The following FBXO28 variants were observed in gnomAD, a reference collection of about 807,000 sequenced individuals.
FBXO28 encodes the protein F-box protein 28.
FBXO28 carries 8 observed loss-of-function variants against 38.1 expected under a neutral mutation model. The ratio of observed to expected loss-of-function variants is 0.21; its 90% confidence interval spans 0.12 to 0.38. The LOEUF (loss-of-function observed/expected upper bound fraction) is 0.38, where lower values mean the gene tolerates loss of function less well. FBXO28 is among the 10% of genes least tolerant of loss of function. The pLI is 1.00. For missense variants in FBXO28, 345 were observed against 460.6 expected (o/e 0.75, Z 2.30); for synonymous variants, 168 against 173.8 (o/e 0.97, Z 0.26).
chr1:224,150,981 G>A (rs1046488728), intron 3 of FBXO28, among the ~76,000 whole-genome samples: 1 of 152,086 alleles, frequency 6.6e-6, no homozygotes, highest in Non-Finnish European at 1.5e-5. Flanking sequence ...TATCTTACAA[G>A]TTATGATAGG....
intron 3 of FBXO28, among the ~76,000 whole-genome samples, chr1:224,146,059 T>TC (rs1461785356): frequency 5.6e-5 from 7 of 124,970 alleles, no homozygotes; most frequent in Non-Finnish European, 8.3e-5. Context: ...ATAGCGAAAC[T>TC]CCTTCTCAAA....
At chr1:224,115,883 T>C in intron 1 of FBXO28, among the ~76,000 whole-genome samples, 1 of 152,170 alleles carries the variant, frequency 6.6e-6, no homozygotes, top group Non-Finnish European at 1.5e-5. Flanking sequence ...AACTGAGTTT[T>C]ATTTGTTTGT....
intron 3 of FBXO28, among the ~76,000 whole-genome samples, chr1:224,145,396 A>G (rs1329781325): frequency 5.3e-5 from 8 of 150,732 alleles, no homozygotes; most frequent in Non-Finnish European, 1.2e-4. Context: ...ACTTGTTTAT[A>G]TTAATTAGCC....
At chr1:224,125,210 G>A (rs983961497) in intron 1 of FBXO28, among the ~76,000 whole-genome samples, 2 of 151,728 alleles carry the variant, frequency 1.3e-5, no homozygotes, top group Non-Finnish European at 2.9e-5. Context: ...AAACTCCTGG[G>A]CCCAAGTGAT....
chr1:224,145,039 T>G (rs1657464873), intron 3 of FBXO28, among the ~76,000 whole-genome samples: 1 of 151,932 alleles, frequency 6.6e-6, no homozygotes, highest in African/African-American at 2.4e-5. Context: ...CCTAGCACTT[T>G]GGGAGGCTGA....
intron 3 of FBXO28, among the ~76,000 whole-genome samples, chr1:224,141,933 G>A (rs932199113): frequency 2.0e-5 from 3 of 150,008 alleles, no homozygotes; most frequent in African/African-American, 7.4e-5. Context: ...GAATCACCTA[G>A]GCTAGAGTGC....
chr1:224,161,459 T>TA lies in FBXO28; in HGVS notation c.*3714dup, dbSNP rs1451130773. On this transcript the variant is annotated 3_prime_UTR_variant, in exon 5 of 5. Coordinates refer to ENST00000366862, the MANE Select transcript of FBXO28 (RefSeq NM_015176.4). The stretch of plus-strand genomic sequence containing the variant: ...ATTTCTGATATGAAACCCAACTTGA[T>TA]ACACTGTTTGGTTCTTTGACTTGGG... 7 of 152,250 alleles carry TA rather than the reference T, an allele frequency of 4.6e-5. No individual in the cohort carries two copies. The highest frequency in any genetic ancestry group is 1.7e-4 in the African/African-American group (7 of 41,472). 9.4% of individuals were successfully genotyped at this position (152,250 alleles called of 1,614,324 possible).
In FBXO28 at chr1:224,157,622, T is replaced by C. The variant is rs761454913; in HGVS notation, c.983T>C (p.Met328Thr). Reference protein sequence around the residue: ...AELERKLREVMESAVGNSSGS... With the variant: ...AELERKLREVTESAVGNSSGS... ...CTAGAACGCAAACTACGAGAAGTAA[T>C]GGAAAGTGCTGTAGGAAATTCCTCA... The change falls in exon 5 of 5, where the codon ATG becomes ACG. Residue 328 changes from methionine (M) to threonine (T), a missense_variant. By Grantham distance (81) the Met-to-Thr change is moderately conservative. Transcript: ENST00000366862. 6.2e-7 allele frequency: 1 copy of C among 1,614,156 alleles called. No homozygotes were observed. Among genetic ancestry groups the C allele is most frequent in the Admixed American group, 1.7e-5 (1 of 60,022 alleles).
intron 3 of FBXO28, among the ~76,000 whole-genome samples, chr1:224,136,163 G>C (rs1453587484): frequency 7.7e-6 from 1 of 129,246 alleles, no homozygotes; most frequent in East Asian, 2.4e-4. Context: ...GAGTGCAGTG[G>C]GGCAATCTCA....
At chr1:224,126,465 T>G (rs765191116) in intron 1 of FBXO28, among the ~76,000 whole-genome samples, 9 of 152,244 alleles carry the variant, frequency 5.9e-5, no homozygotes, top group Non-Finnish European at 1.2e-4. Context: ...TACAAGGTTG[T>G]GTTAGAGGGT....
rs752630215 is a variant in FBXO28, at chr1:224,133,513, C to CTTTATT, written c.378-557_378-556insTTTTTA. 2.0e-3 allele frequency among the ~76,000 whole-genome samples: 302 copies of CTTTATT among 151,910 alleles called. 3 individuals are homozygous for CTTTATT. Among genetic ancestry groups the CTTTATT allele is most frequent in the South Asian group, 3.1e-3 (15 of 4,796 alleles). On this transcript the variant is annotated intron_variant, in intron 2 of 4. Coordinates refer to ENST00000366862, the MANE Select transcript of FBXO28 (RefSeq NM_015176.4). ...CCACTAGATTTGATAGCCAAAAAAC[C>CTTTATT]TTTACTTTTATTTTTATTTTTGAGA...
intron 1 of FBXO28, among the ~76,000 whole-genome samples, chr1:224,129,715 C>T (rs1007753970): frequency 8.6e-5 from 13 of 152,014 alleles, no homozygotes; most frequent in South Asian, 6.2e-4. Context: ...TGAGGCTGGG[C>T]ACGGTGGCTC....
At chr1:224,143,887 CG>C in intron 3 of FBXO28, among the ~76,000 whole-genome samples, 1 of 148,688 alleles carries the variant, frequency 6.7e-6, no homozygotes, top group East Asian at 2.0e-4. Context: ...TGGCTCACAC[CG>C]TAATCCCAGC....
chr1:224,137,282 T>C (rs941817810), intron 3 of FBXO28, among the ~76,000 whole-genome samples: 3 of 151,002 alleles, frequency 2.0e-5, no homozygotes, highest in African/African-American at 4.9e-5. Flanking sequence ...CGCAGCACTT[T>C]GGGAGGCCAA....
rs1357520879 is a variant in FBXO28 at position 224,159,421 on chromosome 1, A to G, written c.*1675A>G. The G allele has an allele frequency of 1.3e-5, 2 of 152,550 alleles. No individual in the cohort carries two copies. The highest frequency in any genetic ancestry group is 2.4e-5 in the African/African-American group (1 of 41,424). The allele number at this position is 152,550 out of a possible 1,614,324, so 9.4% of individuals were successfully genotyped here. A position where few individuals can be genotyped will look rare whatever the true frequency, so the allele number is the denominator to read the frequency against. On this transcript the variant is annotated 3_prime_UTR_variant, in exon 5 of 5. Transcript: ENST00000366862. ...TTGTCCTTAGATTTTGATCAATTCT[A>G]TGTCTGACTTTGAAATTCCATTTAC...
At chr1:224,144,834 T>C (rs1657459541) in intron 3 of FBXO28, among the ~76,000 whole-genome samples, 1 of 152,112 alleles carries the variant, frequency 6.6e-6, no homozygotes, top group Non-Finnish European at 1.5e-5. Flanking sequence ...CCTTAAAATT[T>C]TTGCTTTACA....
chr1:224,125,950 A>T (rs1189415814), intron 1 of FBXO28, among the ~76,000 whole-genome samples: 6 of 152,100 alleles, frequency 3.9e-5, no homozygotes, highest in Non-Finnish European at 7.4e-5. Context: ...TTTTAAAGTT[A>T]TTTATCTGAT....
chr1:224,136,230 T>G (rs1373513643), intron 3 of FBXO28, among the ~76,000 whole-genome samples: 1 of 151,526 alleles, frequency 6.6e-6, no homozygotes, highest in Admixed American at 6.6e-5. Context: ...GTTTTATGAG[T>G]GTTCCCTTTT....
intron 1 of FBXO28, among the ~76,000 whole-genome samples, chr1:224,121,391 TAA>T (rs1157113224): frequency 2.6e-5 from 4 of 152,220 alleles, no homozygotes; most frequent in Non-Finnish European, 5.9e-5. Context: ...GCAGAGAATC[TAA>T]AATTTGTTGT....
Sources: gnomAD v4.1 joint callset for allele counts (sites outside exome capture counted in the v4.1 genomes callset) on GRCh38, gnomAD v4.1.1 for gene constraint, MANE v1.5 for transcripts, NCBI Gene and HGNC (gene_info 2026-07-23, HGNC 2026-07-21) for gene names.